Variants in PXDC1 observed in about 807,000 individuals in gnomAD.
PXDC1 encodes the protein PX domain-containing protein 1.
PXDC1 carries 13 observed loss-of-function variants against 24.4 expected under a neutral mutation model. The ratio of observed to expected loss-of-function variants is 0.53; its 90% CI spans 0.35 to 0.85. The LOEUF (loss-of-function observed/expected upper bound fraction) is 0.85. PXDC1 is among the 40% of genes least tolerant of loss of function. The probability of loss-of-function intolerance (pLI) is 0.01; values close to 1 mark genes in which losing one functional copy is unlikely to be tolerated. For synonymous variants in PXDC1, 162 were observed against 124.9 expected (o/e 1.30, Z -1.98); for missense variants, 344 against 309.3 (o/e 1.11, Z -0.84).
intron 1 of PXDC1, among the ~76,000 whole-genome samples, chr6:3,749,524 G>C (rs552867563): frequency 6.8e-6 from 1 of 146,286 alleles, no homozygotes; most frequent in Non-Finnish European, 1.5e-5. Context: ...CAAAAGAGGC[G>C]GAGCCAGGGT....
intron 3 of PXDC1, among the ~76,000 whole-genome samples, chr6:3,736,760 G>A (rs570606764): frequency 4.6e-5 from 7 of 152,352 alleles, no homozygotes; most frequent in African/African-American, 1.4e-4. Flanking sequence ...TCTCACTTCA[G>A]CAGGCTGAAC....
At chr6:3,741,111 CACCTCAGCCTG>C (rs1017907824) in intron 1 of PXDC1, among the ~76,000 whole-genome samples, 38 of 152,272 alleles carry the variant, frequency 2.5e-4, no homozygotes, top group African/African-American at 8.9e-4. Context: ...TTCTCGTCAT[CACCTCAGCCTG>C]ACCCCAGACA....
At chr6:3,751,151 T>C in intron 1 of PXDC1, 125 bp downstream of exon 1, 3 of 742,036 alleles carry the variant, frequency 4.0e-6, no homozygotes, top group Non-Finnish European at 4.0e-6. Flanking sequence ...GGGGTCCAAG[T>C]GTCCCCTGTC....
intron 3 of PXDC1, among the ~76,000 whole-genome samples, chr6:3,734,464 C>A (rs1218888573): frequency 6.6e-6 from 1 of 152,172 alleles, no homozygotes; most frequent in Non-Finnish European, 1.5e-5. Context: ...ACTAAAGAAC[C>A]AGGCTTCCCC....
At chr6:3,733,915 T>G (rs566908662) in intron 3 of PXDC1, among the ~76,000 whole-genome samples, 1 of 152,266 alleles carries the variant, frequency 6.6e-6, no homozygotes, top group East Asian at 1.9e-4. Context: ...CCTCCCATTC[T>G]TCTGACCCCT....
At chr6:3,750,006 ACTGT>A (rs1199721614) in intron 1 of PXDC1, among the ~76,000 whole-genome samples, 5 of 152,202 alleles carry the variant, frequency 3.3e-5, no homozygotes, top group African/African-American at 7.2e-5. Context: ...ATAACACCCA[ACTGT>A]CTGGAGAACA....
At chr6:3,750,199 A>G (rs958430904) in intron 1 of PXDC1, among the ~76,000 whole-genome samples, 3 of 152,244 alleles carry the variant, frequency 2.0e-5, no homozygotes, top group Non-Finnish European at 4.4e-5. Flanking sequence ...AGCACAGGTT[A>G]TCTCAAGAAC....
chr6:3,750,548 G>C (rs1760680939), intron 1 of PXDC1, among the ~76,000 whole-genome samples: 1 of 152,170 alleles, frequency 6.6e-6, no homozygotes, highest in Admixed American at 6.5e-5. Context: ...GCCTCCAAAA[G>C]AAAGATCGGG....
At position 3,725,575 on chromosome 6, in the gene PXDC1, C is replaced by T. The variant is rs1332686749; in HGVS notation, c.579-1839G>A. On this transcript the variant is annotated intron_variant, in intron 4 of 4. Transcript: ENST00000380283. The surrounding 1 kb of genome is among the most constrained non-coding windows in gnomAD (Gnocchi z 4.8). ...CTGCTGTGGGGGCCCTGCTGTGGGC[C>T]CGGCGGCACTGGGCTCACAGGCTCG... 6.6e-6 allele frequency among the ~76,000 whole-genome samples: 1 copy of T among 152,194 alleles called. No homozygotes were observed. The highest frequency in any genetic ancestry group is 2.4e-5 in the African/African-American group (1 of 41,442).
chr6:3,744,457 C>A (rs972969111), intron 1 of PXDC1, among the ~76,000 whole-genome samples: 6 of 152,146 alleles, frequency 3.9e-5, no homozygotes, highest in Admixed American at 1.3e-4. Context: ...GGATCCCCCC[C>A]ACACTCCCGG....
At chr6:3,739,019 G>C in intron 1 of PXDC1, 2 of 1,233,940 alleles carry the variant, frequency 1.6e-6, no homozygotes, top group South Asian at 2.7e-5. Context: ...AACTATTAAT[G>C]GCAAAAACCG....
intron 3 of PXDC1, among the ~76,000 whole-genome samples, chr6:3,732,963 C>A (rs1002160024): frequency 1.3e-5 from 2 of 152,162 alleles, no homozygotes; most frequent in Admixed American, 1.3e-4. Flanking sequence ...CAGGTTTGCA[C>A]GAAGGACCCT....
chr6:3,748,455 C>A (rs1450410754), intron 1 of PXDC1, among the ~76,000 whole-genome samples: 1 of 152,092 alleles, frequency 6.6e-6, no homozygotes, highest in African/African-American at 2.4e-5. Flanking sequence ...GGAGAGAGCG[C>A]TAGTGAGCAC....
At position 3,737,188 on chromosome 6, in the gene PXDC1, T is replaced by C. The variant is rs755558235; in HGVS notation, c.357A>G (p.Arg119=). ...TIISMPCKYS[R]SEVVLTFFER... ...CGAAGAAGGTGAGCACAACTTCCGA[T>C]CTAGAATACTGGGGAGAAATGCAGG... The change falls in exon 3 of 5, where the codon AGA becomes AGG. Residue 119 remains arginine (R), a synonymous_variant. Transcript: ENST00000380283. This position sits in a 1 kb window ranked among gnomAD's most constrained non-coding sequence, Gnocchi z 5.5. 5.6e-6 allele frequency: 9 copies of C among 1,602,122 alleles called. No homozygotes were observed. In the South Asian group the frequency reaches 6.6e-5, roughly 12 times the overall value.
In PXDC1 at chr6:3,751,267, G is replaced by A. The variant is rs1448388909; in HGVS notation, c.256+9C>T. 1.3e-6 allele frequency: 2 copies of A among 1,502,622 alleles called. No individual in the cohort carries two copies. The highest frequency in any genetic ancestry group is 1.3e-5 in the South Asian group (1 of 79,338). The allele number at this position is 1,502,622 out of a possible 1,614,324, so 93.1% of individuals were successfully genotyped here. ...GCCCCGCGCCCCTCCCGCGTCCCCG[G>A]CCCCGCACCTTGCCGCAGCGGCCCC... On this transcript the variant is annotated intron_variant, in intron 1 of 4. Transcript: ENST00000380283.
intron 1 of PXDC1, among the ~76,000 whole-genome samples, chr6:3,749,785 C>T (rs1000294490): frequency 1.3e-5 from 2 of 152,218 alleles, no homozygotes; most frequent in Admixed American, 6.5e-5. Context: ...ACGGGGATCC[C>T]GCTCCAACCA....
At chr6:3,750,182 A>G (rs1201627975) in intron 1 of PXDC1, among the ~76,000 whole-genome samples, 1 of 152,246 alleles carries the variant, frequency 6.6e-6, no homozygotes, top group Non-Finnish European at 1.5e-5. Context: ...GGCCATCGCC[A>G]GGGGAAAGCA....
chr6:3,730,781 T>A (rs143593338), intron 3 of PXDC1, among the ~76,000 whole-genome samples: 169 of 152,226 alleles, frequency 1.1e-3, no homozygotes, highest in Non-Finnish European at 7.1e-4. Flanking sequence ...AATCCACTGA[T>A]AACTTGCCAT....
At chr6:3,727,091 C>G (rs1760087215) in intron 4 of PXDC1, among the ~76,000 whole-genome samples, 1 of 152,330 alleles carries the variant, frequency 6.6e-6, no homozygotes, top group South Asian at 2.1e-4. Flanking sequence ...GTGTTACAGT[C>G]AAATCAGAGA....
Sources: gnomAD v4.1 joint callset for allele counts (sites outside exome capture counted in the v4.1 genomes callset) on GRCh38, gnomAD v4.1.1 for gene constraint, Gnocchi (gnomAD v3.1) non-coding constraint, MANE v1.5 for transcripts, NCBI Gene and HGNC (gene_info 2026-07-23, HGNC 2026-07-21) for gene names.